Variants in GALNT16 observed in about 807,000 individuals in gnomAD.
GALNT16 encodes the protein polypeptide N-acetylgalactosaminyltransferase 16.
In GALNT16, 40 loss-of-function variants were observed where a neutral mutation model predicts 76.1. The observed-to-expected ratio is 0.53, with a 90% CI of 0.41 to 0.68. The LOEUF (loss-of-function observed/expected upper bound fraction) is 0.68. Ranked by LOEUF, GALNT16 falls within the 30% of genes least tolerant of loss-of-function variation. The pLI, the probability that GALNT16 is intolerant of heterozygous loss-of-function variation, is 0.00. For missense variants in GALNT16, 621 were observed against 731.9 expected, an observed-to-expected ratio of 0.85 and a Z score of 1.75; for synonymous variants, 276 against 285.2, an observed-to-expected ratio of 0.97 and a Z score of 0.32.
the GALNT16 span, among the ~76,000 whole-genome samples, chr14:69,371,446 C>T: frequency 6.6e-6 from 1 of 150,926 alleles, no homozygotes; most frequent in South Asian, 2.1e-4. Flanking sequence ...TTAGTAGAGA[C>T]AGGGTTTCAC....
Position 69,299,527 on chromosome 14 carries a change from T to G in GALNT16, c.178-21184T>G, listed in dbSNP as rs576773343. Reference sequence around the variant, plus strand: ...TCCAGAGCTGGGGCAGCCTCATCCGTAAGGTGGGGTGGGGAGTGCTGAGCA... The same window carrying G: ...TCCAGAGCTGGGGCAGCCTCATCCGGAAGGTGGGGTGGGGAGTGCTGAGCA... On this transcript the variant is annotated intron_variant, in intron 1 of 14. Transcript: ENST00000448469. Among the ~76,000 whole-genome samples, 97 of 152,194 alleles carry G rather than the reference T, an allele frequency of 6.4e-4. 1 individual carries two copies. Among genetic ancestry groups the G allele is most frequent in the Admixed American group, 1.5e-3 (23 of 15,286 alleles).
chr14:69,336,429 C>A (rs1210018141), intron 9 of GALNT16, among the ~76,000 whole-genome samples: 1 of 152,208 alleles, frequency 6.6e-6, no homozygotes, highest in African/African-American at 2.4e-5. Flanking sequence ...CCTCTTTGAA[C>A]TTGCCAGCTG....
At position 69,333,586 on chromosome 14, in the gene GALNT16, G is replaced by C; in HGVS notation, c.953G>C (p.Gly318Ala). The change falls in exon 9 of 15, where the codon GGG (glycine) becomes GCG (alanine). Residue 318 changes from glycine to alanine, a missense_variant. By Grantham distance (60) the Gly-to-Ala change is moderately conservative. Transcript: ENST00000448469. This position sits in a 1 kb window ranked among gnomAD's most constrained non-coding sequence, Gnocchi z 4.2. ...GKYDAQMDIWGGENFELSFRV... is the reference protein window; with the variant it reads ...GKYDAQMDIWAGENFELSFRV... The stretch of plus-strand genomic sequence containing the variant: ...TATGATGCCCAGATGGACATCTGGG[G>C]GGGAGAGAATTTTGGTGAGTTGGGA... The C allele has an allele frequency of 1.3e-6, 2 of 1,560,612 alleles. No individual in the cohort carries two copies. Among genetic ancestry groups the C allele is most frequent in the Non-Finnish European group, 1.8e-6 (2 of 1,136,234 alleles).
intron 14 of GALNT16, chr14:69,348,343 A>G (rs1227899042): frequency 1.6e-5 from 8 of 488,288 alleles, no homozygotes; most frequent in Non-Finnish European, 2.5e-5. Context: ...TAGAAGTTTG[A>G]AATAGATCAT....
chr14:69,312,613 G>A (rs1176306394), intron 1 of GALNT16, among the ~76,000 whole-genome samples: 1 of 152,240 alleles, frequency 6.6e-6, no homozygotes, highest in Admixed American at 6.5e-5. Context: ...GAGGACCCAG[G>A]AAATCTGGTG....
At chr14:69,297,914 C>T (rs755741718) in intron 1 of GALNT16, among the ~76,000 whole-genome samples, 4 of 152,130 alleles carry the variant, frequency 2.6e-5, no homozygotes, top group African/African-American at 2.4e-5. Context: ...TTTATGTGCT[C>T]GATCTCAATT....
At chr14:69,273,831 A>T (rs1417355686) in intron 1 of GALNT16, among the ~76,000 whole-genome samples, 1 of 152,222 alleles carries the variant, frequency 6.6e-6, no homozygotes, top group Non-Finnish European at 1.5e-5. Flanking sequence ...AGAGCCGTAA[A>T]CCCAAGAAGA....
At chr14:69,282,677 T>TTTATTTAC (rs1190184951) in intron 1 of GALNT16, among the ~76,000 whole-genome samples, 1 of 142,782 alleles carries the variant, frequency 7.0e-6, no homozygotes, top group Non-Finnish European at 1.5e-5. Flanking sequence ...TATTTATTTA[T>TTTATTTAC]TTATTTGAGA....
upstream of GALNT16, chr14:69,259,995 G>A (rs1362566237): frequency 6.1e-6 from 2 of 326,546 alleles, no homozygotes; most frequent in East Asian, 7.1e-5. Context: ...GTGCGCAGTG[G>A]CCTGGTGGGT....
chr14:69,385,781 G>A, the GALNT16 span, among the ~76,000 whole-genome samples: 9 of 151,836 alleles, frequency 5.9e-5, no homozygotes, highest in Non-Finnish European at 1.0e-4. Flanking sequence ...AGTCACCAAA[G>A]ACTTCCACAG....
At chr14:69,263,699 A>G (rs1326898230) in intron 1 of GALNT16, among the ~76,000 whole-genome samples, 1 of 152,232 alleles carries the variant, frequency 6.6e-6, no homozygotes, top group Non-Finnish European at 1.5e-5. Context: ...GGGTGTCGGC[A>G]TGGCAACCGT....
At chr14:69,308,796 C>T (rs1463153987) in intron 1 of GALNT16, among the ~76,000 whole-genome samples, 1 of 152,178 alleles carries the variant, frequency 6.6e-6, no homozygotes, top group Non-Finnish European at 1.5e-5. Flanking sequence ...GAAACTTCTG[C>T]TAAGTCAAAG....
intron 7 of GALNT16, chr14:69,332,372 A>C (rs1345086964): frequency 7.4e-6 from 1 of 134,640 alleles, no homozygotes; most frequent in African/African-American, 2.6e-5. Context: ...AAATTAAATA[A>C]AACTTAAAAG....
chr14:69,321,656 C>T (rs1324373232), intron 2 of GALNT16, among the ~76,000 whole-genome samples: 1 of 152,202 alleles, frequency 6.6e-6, no homozygotes, highest in Non-Finnish European at 1.5e-5. Context: ...TGCTTTCACA[C>T]ATGCTGTTTC....
At chr14:69,298,178 C>T (rs1394391932) in intron 1 of GALNT16, among the ~76,000 whole-genome samples, 4 of 152,256 alleles carry the variant, frequency 2.6e-5, no homozygotes, top group Admixed American at 6.5e-5. Context: ...AGAGGAGTTA[C>T]AGCCTCTCAA....
rs2045654157 is a variant in GALNT16 at position 69,352,724 on chromosome 14, G to A, written c.*556G>A. 6.5e-6 allele frequency: 1 copy of A among 152,862 alleles called. No individual in the cohort carries two copies. The highest frequency in any genetic ancestry group is 2.1e-4 in the South Asian group (1 of 4,866). The allele number at this position is 152,862 out of a possible 1,614,324, so 9.5% of individuals were successfully genotyped here. On this transcript the variant is annotated 3_prime_UTR_variant, in exon 15 of 15. Coordinates refer to ENST00000448469, the MANE Select transcript of GALNT16 (RefSeq NM_001168368.2). ...ACCTGTCAGAGATGCCAAGCCCAGG[G>A]TGGCACTGGGTTGGGTGGGGACGGA...
chr14:69,360,727 C>T (rs199559450), downstream of GALNT16, among the ~76,000 whole-genome samples: 2 of 152,224 alleles, frequency 1.3e-5, no homozygotes, highest in East Asian at 3.9e-4. Flanking sequence ...CCCTTGGGCC[C>T]CACTCAGACC....
chr14:69,327,874 G>T (rs2045305548), intron 5 of GALNT16, among the ~76,000 whole-genome samples: 1 of 152,094 alleles, frequency 6.6e-6, no homozygotes, highest in African/African-American at 2.4e-5. Flanking sequence ...ACATGTGTGG[G>T]TCTCCCAGGC....
At chr14:69,304,178 A>G (rs1025220212) in intron 1 of GALNT16, among the ~76,000 whole-genome samples, 3 of 152,204 alleles carry the variant, frequency 2.0e-5, no homozygotes, top group African/African-American at 4.8e-5. Context: ...GAAAACACCA[A>G]CCAATCGCAG....
Sources: allele counts gnomAD v4.1 joint callset (sites outside exome capture counted in the v4.1 genomes callset), GRCh38; gene constraint gnomAD v4.1.1; non-coding constraint Gnocchi (gnomAD v3.1); transcripts MANE v1.5; gene names NCBI Gene and HGNC (gene_info 2026-07-23, HGNC 2026-07-21).